The following RBFOX1 variants were observed in gnomAD, a reference collection of about 807,000 sequenced individuals.
The protein encoded by RBFOX1 is RNA binding protein fox-1 homolog 1.
RBFOX1 carries 8 observed loss-of-function variants against 57.7 expected under a neutral mutation model. The observed-to-expected ratio is 0.14, with a 90% CI of 0.08 to 0.25. The LOEUF (loss-of-function observed/expected upper bound fraction) is 0.25, where lower values mean the gene tolerates loss of function less well. Among genes scored for constraint, RBFOX1 ranks in the 10% least tolerant of loss-of-function variants. The pLI is 1.00. For synonymous variants in RBFOX1, 326 were observed against 222.4 expected (o/e 1.47, Z -4.15); for missense variants, 611 against 548.5 (o/e 1.11, Z -1.14).
chr16:5,952,868 G>C (rs994546100), intron 4 of RBFOX1, among the ~76,000 whole-genome samples: 1 of 152,158 alleles, frequency 6.6e-6, no homozygotes, highest in Admixed American at 6.5e-5. Flanking sequence ...AGGGTTATCA[G>C]ACCTCTGCCT....
intron 14 of RBFOX1, among the ~76,000 whole-genome samples, chr16:7,685,072 A>G (rs2075768408): frequency 6.6e-6 from 1 of 152,074 alleles, no homozygotes; most frequent in Non-Finnish European, 1.5e-5. Flanking sequence ...GGAGCCTGTG[A>G]GAATGTAGAA....
chr16:5,869,703 G>C (rs375801924), intron 4 of RBFOX1, among the ~76,000 whole-genome samples: 1 of 152,092 alleles, frequency 6.6e-6, no homozygotes, highest in Non-Finnish European at 1.5e-5. Flanking sequence ...GCGCCCGGCT[G>C]TTCACAAGAT....
intron 1 of RBFOX1, among the ~76,000 whole-genome samples, chr16:6,102,281 T>C (rs1047471019): frequency 7.9e-5 from 12 of 152,146 alleles, no homozygotes; most frequent in African/African-American, 2.7e-4. Flanking sequence ...TCACTATCTT[T>C]CCTTCTTAGA....
At position 6,862,612 on chromosome 16, in the gene RBFOX1, A is replaced by G. The variant is rs141759235; in HGVS notation, c.-15-189445A>G. On this transcript the variant is annotated intron_variant, in intron 3 of 15. Coordinates refer to ENST00000550418, the MANE Select transcript of RBFOX1 (RefSeq NM_018723.4). The stretch of plus-strand genomic sequence containing the variant: ...TCATGTTACAGGCAGAGGAAGTGAC[A>G]TGAATGAAGTACAGGACACAAATGG... Among the ~76,000 whole-genome samples the G allele has an allele frequency of 1.1e-4, 17 of 152,348 alleles. No individual in the cohort carries two copies. In the East Asian group the frequency reaches 2.5e-3, roughly 22 times the overall value.
intron 4 of RBFOX1, among the ~76,000 whole-genome samples, chr16:7,153,572 G>GA (rs1426137709): frequency 1.6e-4 from 24 of 149,934 alleles, no homozygotes; most frequent in Admixed American, 1.5e-3. Flanking sequence ...CATCTCTACT[G>GA]AAAAAACAAA....
intron 1 of RBFOX1, among the ~76,000 whole-genome samples, chr16:6,211,897 T>C (rs2152854028): frequency 6.6e-6 from 1 of 152,136 alleles, no homozygotes; most frequent in East Asian, 1.9e-4. Context: ...TCACTCAGGC[T>C]GGAGTGAAGT....
At chr16:6,729,216 G>A (rs545664470) in intron 3 of RBFOX1, among the ~76,000 whole-genome samples, 1 of 152,084 alleles carries the variant, frequency 6.6e-6, no homozygotes, top group Non-Finnish European at 1.5e-5. Context: ...ATGATTATAT[G>A]TATATAATTG....
chr16:6,149,019 C>T (rs1396557205), intron 1 of RBFOX1, among the ~76,000 whole-genome samples: 2 of 152,120 alleles, frequency 1.3e-5, no homozygotes, highest in African/African-American at 4.8e-5. Flanking sequence ...TCATCGAGGC[C>T]CCAAATGTAG....
At chr16:5,544,761 A>T (rs2045113565) in intron 2 of RBFOX1, among the ~76,000 whole-genome samples, 1 of 152,110 alleles carries the variant, frequency 6.6e-6, no homozygotes, top group Admixed American at 6.5e-5. Flanking sequence ...AATATTGTGA[A>T]CAACTTTATG....
At chr16:7,225,282 C>T (rs556613675) in intron 4 of RBFOX1, among the ~76,000 whole-genome samples, 21 of 152,144 alleles carry the variant, frequency 1.4e-4, no homozygotes, top group Admixed American at 2.6e-4. Context: ...ATAATTCCTA[C>T]GTGTTGTGGG....
intron 15 of RBFOX1, 144 bp from the exon 16 acceptor site, chr16:7,710,479 C>T (rs997161920): frequency 4.6e-6 from 7 of 1,523,764 alleles, no homozygotes; most frequent in Non-Finnish European, 6.1e-6. Flanking sequence ...ATCTTTAGTT[C>T]TCCAAGAATG....
intron 2 of RBFOX1, among the ~76,000 whole-genome samples, chr16:6,388,330 C>CT (rs2092413137): frequency 1.3e-5 from 2 of 151,856 alleles, no homozygotes; most frequent in Non-Finnish European, 2.9e-5. Context: ...TGTTTGCAGC[C>CT]ATTTTGGCAC....
At chr16:6,980,692 G>A (rs1032726448) in intron 3 of RBFOX1, among the ~76,000 whole-genome samples, 5 of 152,148 alleles carry the variant, frequency 3.3e-5, no homozygotes, top group Non-Finnish European at 7.3e-5. Flanking sequence ...CTCTCCCGGA[G>A]ATAATTTGGA....
chr16:6,095,630 T>A (rs74599509), intron 1 of RBFOX1, among the ~76,000 whole-genome samples: 2,887 of 152,196 alleles, frequency 0.019, 58 homozygotes, highest in Non-Finnish European at 0.027. Flanking sequence ...TGCAAAGAAC[T>A]TGGGAAGCAG....
At chr16:7,433,770 C>G (rs984395827) in intron 4 of RBFOX1, among the ~76,000 whole-genome samples, 2 of 152,174 alleles carry the variant, frequency 1.3e-5, no homozygotes, top group Admixed American at 1.3e-4. Context: ...AGTCATCTAA[C>G]TATCCATCCA....
In RBFOX1 at chr16:5,889,808, G is replaced by C. The variant is rs538810242; in HGVS notation, c.351+22473G>C. Among the ~76,000 whole-genome samples the C allele has an allele frequency of 1.8e-4, 28 of 152,324 alleles. No homozygotes were observed. The South Asian group carries it at 5.6e-3, about 30-fold the overall frequency. ...CTGAGAGAGATGTAGGTGTTGGCAA[G>C]ACAAAAGCAGACGCAACAGCCTGTA... On this transcript the variant is annotated intron_variant, in intron 4 of 19. Transcript: ENST00000641259.
chr16:5,863,773 T>C (rs2057282436), intron 3 of RBFOX1, among the ~76,000 whole-genome samples: 1 of 152,196 alleles, frequency 6.6e-6, no homozygotes, highest in Non-Finnish European at 1.5e-5. Flanking sequence ...CCACTCCCTG[T>C]TGCATCACTA....
chr16:6,715,559 T>G (rs1301114047), intron 3 of RBFOX1, among the ~76,000 whole-genome samples: 2 of 152,158 alleles, frequency 1.3e-5, no homozygotes, highest in Admixed American at 6.5e-5. Flanking sequence ...CGCTGAAAAC[T>G]CCCGAAGAGT....
At chr16:6,509,254 G>T (rs802694) in intron 2 of RBFOX1, among the ~76,000 whole-genome samples, 1 of 152,022 alleles carries the variant, frequency 6.6e-6, no homozygotes, top group Non-Finnish European at 1.5e-5. Flanking sequence ...TTTCCTATGC[G>T]GTTATTTGAG....
Sources: gnomAD v4.1 joint callset for allele counts (sites outside exome capture counted in the v4.1 genomes callset) on GRCh38, gnomAD v4.1.1 for gene constraint, MANE v1.5 for transcripts, NCBI Gene and HGNC (gene_info 2026-07-23, HGNC 2026-07-21) for gene names.